ERBIN: variants seen among roughly 807,000 people sequenced by gnomAD.
ERBIN encodes erbb2 interacting protein.
In ERBIN, 60 loss-of-function variants were observed where a neutral mutation model predicts 158.4. The ratio of observed to expected loss-of-function variants is 0.38; its 90% CI spans 0.31 to 0.47. The LOEUF (loss-of-function observed/expected upper bound fraction) is 0.47. Among genes scored for constraint, ERBIN ranks in the 20% least tolerant of loss-of-function variants. The pLI is 0.99. For missense variants in ERBIN, 1,610 were observed against 1,648.0 expected, an observed-to-expected ratio of 0.98 and a Z score of 0.40; for synonymous variants, 594 against 557.2, an observed-to-expected ratio of 1.07 and a Z score of -0.93.
chr5:65,941,478 A>G (rs1745037169), intron 1 of ERBIN, among the ~76,000 whole-genome samples: 1 of 152,040 alleles, frequency 6.6e-6, no homozygotes. Context: ...TATATGAGGG[A>G]TACTTGGAGC....
At chr5:66,064,459 C>T (rs1361020950) in intron 21 of ERBIN, among the ~76,000 whole-genome samples, 1 of 152,094 alleles carries the variant, frequency 6.6e-6, no homozygotes, top group Admixed American at 6.5e-5. Flanking sequence ...TTTTTATTAT[C>T]TCATTTTACC....
chr5:65,929,468 G>T (rs754839127), intron 1 of ERBIN, among the ~76,000 whole-genome samples: 2 of 151,928 alleles, frequency 1.3e-5, no homozygotes, highest in Non-Finnish European at 2.9e-5. Context: ...TTTATTTTTC[G>T]TAATTGCTGC....
chr5:66,062,634 G>A (rs551094294), intron 21 of ERBIN, among the ~76,000 whole-genome samples: 1 of 152,050 alleles, frequency 6.6e-6, no homozygotes, highest in South Asian at 2.1e-4. Context: ...TGTAGTTTCT[G>A]GTTTTTCTGC....
chr5:65,971,684 ATTCTCT>A (rs1487378090), intron 1 of ERBIN, among the ~76,000 whole-genome samples: 1 of 152,194 alleles, frequency 6.6e-6, no homozygotes, highest in Non-Finnish European at 1.5e-5. Flanking sequence ...TCAGATGAGC[ATTCTCT>A]TTCTATGTCC....
chr5:65,982,130 T>G (rs1194808516), intron 1 of ERBIN, among the ~76,000 whole-genome samples: 1 of 152,218 alleles, frequency 6.6e-6, no homozygotes, highest in Non-Finnish European at 1.5e-5. Flanking sequence ...AAGCAGTGAC[T>G]AGAGCAATGT....
intron 17 of ERBIN, among the ~76,000 whole-genome samples, chr5:66,045,374 G>A (rs866792987): frequency 6.6e-6 from 1 of 151,270 alleles, no homozygotes; most frequent in African/African-American, 2.5e-5. Context: ...TGTTATACAG[G>A]TTTGTAGCCT....
At chr5:65,990,926 A>G (rs922706837) in intron 2 of ERBIN, among the ~76,000 whole-genome samples, 2 of 151,684 alleles carry the variant, frequency 1.3e-5, no homozygotes, top group Non-Finnish European at 2.9e-5. Context: ...ACGCCTGGCT[A>G]ATTTTTTTGT....
intron 21 of ERBIN, among the ~76,000 whole-genome samples, chr5:66,069,428 A>T (rs371540755): frequency 6.6e-6 from 1 of 152,238 alleles, no homozygotes; most frequent in East Asian, 1.9e-4. Context: ...TGACTGAGAG[A>T]AAGCACTACC....
chr5:65,944,468 C>T (rs1442471894), intron 1 of ERBIN, among the ~76,000 whole-genome samples: 1 of 152,086 alleles, frequency 6.6e-6, no homozygotes, highest in Non-Finnish European at 1.5e-5. Context: ...GTGGTGCAAT[C>T]TCGGCTCACT....
chr5:65,928,463 C>T (rs1483659628), intron 1 of ERBIN, among the ~76,000 whole-genome samples: 2 of 152,118 alleles, frequency 1.3e-5, no homozygotes, highest in Non-Finnish European at 2.9e-5. Flanking sequence ...TTATACTTGG[C>T]TTCAAAAGCA....
At position 66,053,630 on chromosome 5, in the gene ERBIN, T is replaced by C. The variant is rs1451882380; in HGVS notation, c.2312T>C (p.Ile771Thr). The change falls in exon 21 of 26, where the codon ATA (isoleucine) becomes ACA (threonine). Residue 771 changes from isoleucine to threonine, a missense_variant. This residue lies in a region of ERBIN where 1,014 missense variants were observed against 936.1 expected (regional missense o/e 1.08). Coordinates refer to ENST00000284037, the MANE Select transcript of ERBIN (RefSeq NM_001253697.2). ...DHINMNLNKL[I>T]TNDTFQPEIM... ...ATCAATATGAATCTTAATAAACTTA[T>C]AACTAATGATACATTTCAACCAGAG... is the stretch of plus-strand genomic sequence containing the variant. The C allele has an allele frequency of 4.3e-6, 7 of 1,612,096 alleles. No homozygotes were observed. The highest frequency in any genetic ancestry group is 2.2e-5 in the East Asian group (1 of 44,852).
intron 4 of ERBIN, among the ~76,000 whole-genome samples, chr5:65,996,167 A>G (rs2151059524): frequency 6.7e-6 from 1 of 148,766 alleles, no homozygotes; most frequent in South Asian, 2.1e-4. Context: ...GGGTCATATT[A>G]AGAAAAATCA....
At chr5:65,965,379 GTTGTTTTTTTTTTTTTTTTTTTTTT>G (rs1748460942) in intron 1 of ERBIN, among the ~76,000 whole-genome samples, 1 of 103,664 alleles carries the variant, frequency 9.6e-6, no homozygotes, top group African/African-American at 3.7e-5. Flanking sequence ...TTTGTTTTTT[GTTGTTTTTTTTTTTTTTTTTTTTTT>G]TTTTTTTTTT....
At chr5:66,064,323 T>A (rs1760771223) in intron 21 of ERBIN, among the ~76,000 whole-genome samples, 1 of 152,226 alleles carries the variant, frequency 6.6e-6, no homozygotes, top group South Asian at 2.1e-4. Context: ...TAATAAAGTA[T>A]GAATATTAGA....
Position 66,018,712 on chromosome 5 carries a change from C to T in ERBIN, c.534-2610C>T, listed in dbSNP as rs190401223. ...AGTGCAGTGGCATGATCTTGGCTCA[C>T]TGCAAGCTCTATCTCCCGGGTCCAC... On this transcript the variant is annotated intron_variant, in intron 7 of 25. Coordinates refer to ENST00000284037, the MANE Select transcript of ERBIN (RefSeq NM_001253697.2). Among the ~76,000 whole-genome samples, 274 of 144,214 alleles carry T rather than the reference C, an allele frequency of 1.9e-3. 1 individual carries two copies. The highest frequency in any genetic ancestry group is 2.9e-3 in the Non-Finnish European group (191 of 66,774). 94.6% of individuals were successfully genotyped at this position (144,214 alleles called of 152,430 possible).
intron 9 of ERBIN, among the ~76,000 whole-genome samples, chr5:66,023,977 G>A (rs1390553335): frequency 6.6e-6 from 1 of 151,828 alleles, no homozygotes; most frequent in Non-Finnish European, 1.5e-5. Flanking sequence ...GCGCCCAGCC[G>A]AACTTTCTGT....
intron 1 of ERBIN, among the ~76,000 whole-genome samples, chr5:65,928,902 T>A (rs1399385117): frequency 6.6e-6 from 1 of 152,222 alleles, no homozygotes; most frequent in African/African-American, 2.4e-5. Flanking sequence ...CTTCAAAATT[T>A]GGATATTCTT....
chr5:66,011,893 C>T, intron 4 of ERBIN, among the ~76,000 whole-genome samples, 156 bp from the exon 5 acceptor site: 1 of 152,056 alleles, frequency 6.6e-6, no homozygotes, highest in Non-Finnish European at 1.5e-5. Flanking sequence ...AATTGTTGTG[C>T]AGGTCATTGT....
At chr5:66,023,456 TAAA>T (rs568842233) in intron 9 of ERBIN, 92 bp downstream of exon 9, 2 of 698,450 alleles carry the variant, frequency 2.9e-6, no homozygotes, top group Non-Finnish European at 4.6e-6. Flanking sequence ...TTTTAATTAA[TAAA>T]AAAATTGAAT....
Sources: allele counts gnomAD v4.1 joint callset (sites outside exome capture counted in the v4.1 genomes callset), GRCh38; gene constraint gnomAD v4.1.1; regional missense constraint gnomAD v4.1.1; transcripts MANE v1.5; gene names NCBI Gene and HGNC (gene_info 2026-07-23, HGNC 2026-07-21).